The following RPL3 variants were observed in gnomAD, a reference collection of about 807,000 sequenced individuals.
The protein encoded by RPL3 is ribosomal protein L3.
A neutral mutation model predicts 46.0 loss-of-function variants in RPL3; 3 were observed. That is an observed-to-expected ratio of 0.07 (90% CI 0.03 to 0.17). The LOEUF (loss-of-function observed/expected upper bound fraction) is 0.17. Among genes scored for constraint, RPL3 ranks in the 10% least tolerant of loss-of-function variants. The probability of loss-of-function intolerance (pLI) is 1.00; values close to 1 mark genes in which losing one functional copy is unlikely to be tolerated. For synonymous variants in RPL3, 224 were observed against 190.8 expected (o/e 1.17, Z -1.43); for missense variants, 387 against 532.7 (o/e 0.73, Z 2.69).
intron 1 of RPL3, 110 bp from the exon 2 acceptor site, chr22:39,318,702 G>C: frequency 1.1e-6 from 1 of 881,780 alleles, no homozygotes; most frequent in Non-Finnish European, 1.7e-6. Context: ...ATCCTGACCA[G>C]ACACCCAGCA....
intron 7 of RPL3, 164 bp downstream of exon 7, chr22:39,313,943 C>A (rs1157103353): frequency 4.8e-6 from 4 of 836,940 alleles, no homozygotes; most frequent in Admixed American, 3.4e-5. Context: ...CACCAGCCAA[C>A]CCCGACGAGT....
At chr22:39,316,990 G>T in intron 3 of RPL3, 149 bp from the exon 4 acceptor site, 1 of 1,207,826 alleles carries the variant, frequency 8.3e-7, no homozygotes, top group Non-Finnish European at 1.2e-6. Context: ...AGCGGAGCCT[G>T]GATGGAGCTC....
Position 39,312,926 on chromosome 22 carries a change from A to T in RPL3, c.*14T>A, listed in dbSNP as rs758345859. The stretch of plus-strand genomic sequence containing the variant: ...TTATTGAGACCCCACCAACTGCAAA[A>T]TCTGTTCCTGGCATTAAGCTCCTTC... On this transcript the variant is annotated 3_prime_UTR_variant, in exon 10 of 10. Transcript: ENST00000216146. The T allele has an allele frequency of 1.9e-6, 3 of 1,614,120 alleles. No homozygotes were observed. The highest frequency in any genetic ancestry group is 2.2e-5 in the South Asian group (2 of 91,086).
rs770832833 is a variant in RPL3, at chr22:39,316,827, T to C, written c.380A>G (p.Lys127Arg). 1 of 1,613,996 alleles carries C rather than the reference T, an allele frequency of 6.2e-7. No individual in the cohort carries two copies. The highest frequency in any genetic ancestry group is 8.5e-7 in the Non-Finnish European group (1 of 1,180,032). ...RFYKNWHKSKKKAFTKYCKKW... is the reference protein window; with the variant it reads ...RFYKNWHKSKRKAFTKYCKKW... ...CTTGCAGTACTTGGTAAAGGCCTTCTTCTTAGATTTATGCCTTCAGGAGCA... is the reference window on the plus strand; with the variant it reads ...CTTGCAGTACTTGGTAAAGGCCTTCCTCTTAGATTTATGCCTTCAGGAGCA... The change falls in exon 4 of 10, where the codon AAG (lysine) becomes AGG (arginine). Residue 127 changes from lysine to arginine, a missense_variant. Physicochemically the swap from Lys to Arg is conservative, Grantham distance 26 (BLOSUM62 2). Transcript: ENST00000216146.
rs1439341742 is a variant in RPL3, at chr22:39,315,086, G to A, written c.689-240C>T. 5 of 707,540 alleles carry A rather than the reference G, an allele frequency of 7.1e-6. No homozygotes were observed. In the East Asian group the frequency reaches 1.0e-4, roughly 15 times the overall value. The allele number at this position is 707,540 out of a possible 1,614,324, so 43.8% of individuals were successfully genotyped here. ...TAGTTTAAGCTCCCCCATTCACAGGGACTGACTAACATAATTCCAAGCTCC... is the reference window on the plus strand; with the variant it reads ...TAGTTTAAGCTCCCCCATTCACAGGAACTGACTAACATAATTCCAAGCTCC... On this transcript the variant is annotated intron_variant, in intron 5 of 9. Coordinates refer to ENST00000216146, the MANE Select transcript of RPL3 (RefSeq NM_000967.4).
At chr22:39,317,921 C>T (rs1922805233) in intron 2 of RPL3, 4 of 434,430 alleles carry the variant, frequency 9.2e-6, no homozygotes, top group South Asian at 6.2e-5. Flanking sequence ...AAATTCAGTG[C>T]CCTAACAATA....
chr22:39,317,662 G>A (rs1377224103), intron 2 of RPL3, 33 bp from the exon 3 acceptor site: 12 of 1,607,956 alleles, frequency 7.5e-6, no homozygotes, highest in Admixed American at 3.4e-5. Flanking sequence ...AGACTTGGCA[G>A]GAGCCCAAGC....
chr22:39,316,915 G>A (rs750915670), intron 3 of RPL3, 74 bp from the exon 4 acceptor site: 11 of 1,607,168 alleles, frequency 6.8e-6, no homozygotes, highest in Middle Eastern at 1.6e-4. Flanking sequence ...GTGAGCGGAA[G>A]GCACACTGGC....
chr22:39,313,176 G>T lies in RPL3; in HGVS notation c.1167+15C>A. On this transcript the variant is annotated intron_variant, in intron 9 of 9. Coordinates refer to ENST00000216146, the MANE Select transcript of RPL3 (RefSeq NM_000967.4). ...GCCACCACACCCAGCGAGGGGGGCA[G>T]GCAGAGGTGCTCACCATGAATGCTT... is the stretch of plus-strand genomic sequence containing the variant. 6.2e-7 allele frequency: 1 copy of T among 1,606,678 alleles called. No individual in the cohort carries two copies. The highest frequency in any genetic ancestry group is 8.5e-7 in the Non-Finnish European group (1 of 1,176,640).
At position 39,317,527 on chromosome 22, in the gene RPL3, C is replaced by T. The variant is rs11548021; in HGVS notation, c.299G>A (p.Arg100Gln). ...VGYVETPRGL[R>Q]TFKTVFAEHI... ...CTCAGCAAAGACAGTCTTGAAGGTC[C>T]GGAGGCCTCGAGGGGTTTCCACGTA... Residue 100 changes from arginine (R) to glutamine (Q), a missense_variant, in exon 3 of 10, where the codon CGG becomes CAG. This residue lies in a region of RPL3 where 196 missense variants were observed against 217.5 expected (regional missense o/e 0.90). Coordinates refer to ENST00000216146, the MANE Select transcript of RPL3 (RefSeq NM_000967.4). 1 of 1,613,940 alleles carries T rather than the reference C, an allele frequency of 6.2e-7. No individual in the cohort carries two copies. The highest frequency in any genetic ancestry group is 8.5e-7 in the Non-Finnish European group (1 of 1,179,858).
chr22:39,315,052 G>A, intron 5 of RPL3: 1 of 730,368 alleles, frequency 1.4e-6, no homozygotes, highest in Non-Finnish European at 2.2e-6. Context: ...TGCTTTTTAA[G>A]GCATCCATTA....
At chr22:39,315,739 T>C (rs542429939) in intron 4 of RPL3, among the ~76,000 whole-genome samples, 184 bp from the exon 5 acceptor site, 69 of 152,254 alleles carry the variant, frequency 4.5e-4, no homozygotes, top group African/African-American at 1.5e-3. Context: ...CAACTTAACT[T>C]TGGATACTGG....
At chr22:39,313,498 G>T in intron 8 of RPL3, 136 bp downstream of exon 8, 1 of 1,244,048 alleles carries the variant, frequency 8.0e-7, no homozygotes, top group Non-Finnish European at 1.1e-6. Context: ...CTCATCTCAG[G>T]ACTTCAAAGC....
chr22:39,313,141 G>A lies in RPL3; in HGVS notation c.1167+50C>T, dbSNP rs149430192. On this transcript the variant is annotated intron_variant, in intron 9 of 9. Transcript: ENST00000216146. ...ACCCCGGCTGGAGCCAAAGGCAGGC[G>A]GCTGCCCAAGCCACCACACCCAGCG... 2.0e-4 allele frequency: 323 copies of A among 1,599,552 alleles called. No individual in the cohort carries two copies. The African/African-American group carries it at 3.6e-3, about 18-fold the overall frequency.
chr22:39,314,997 T>C (rs1922588409), intron 5 of RPL3, 151 bp from the exon 6 acceptor site: 6 of 1,132,428 alleles, frequency 5.3e-6, no homozygotes, highest in African/African-American at 3.1e-5. Context: ...CCTGTCAAGC[T>C]GGATAGGCTC....
chr22:39,314,426 G>A, intron 6 of RPL3: 1 of 627,596 alleles, frequency 1.6e-6, no homozygotes, highest in South Asian at 2.0e-5. Flanking sequence ...ACACAGGCCT[G>A]TCACCCCCCT....
chr22:39,314,081 C>CA, intron 7 of RPL3, 26 bp downstream of exon 7: 1 of 1,598,926 alleles, frequency 6.3e-7, no homozygotes, highest in Non-Finnish European at 8.6e-7. Flanking sequence ...GGGATGGCCT[C>CA]ACAGAGCAGA....
chr22:39,316,258 T>C (rs1402378909), intron 4 of RPL3, among the ~76,000 whole-genome samples: 1 of 144,228 alleles, frequency 6.9e-6, no homozygotes. Flanking sequence ...AAAAAATGCA[T>C]TTAAGCATAA....
chr22:39,313,787 C>T (rs1294262414), intron 7 of RPL3, 58 bp from the exon 8 acceptor site: 2 of 1,504,036 alleles, frequency 1.3e-6, no homozygotes, highest in Non-Finnish European at 1.9e-6. Flanking sequence ...TGCAGATGAC[C>T]CCTCCAGGTT....
Sources: gnomAD v4.1 joint callset for allele counts (sites outside exome capture counted in the v4.1 genomes callset) on GRCh38, gnomAD v4.1.1 for gene constraint, gnomAD v4.1.1 regional missense constraint, MANE v1.5 for transcripts, NCBI Gene and HGNC (gene_info 2026-07-23, HGNC 2026-07-21) for gene names.